The following PACSIN1 variants were observed in gnomAD, a reference collection of about 807,000 sequenced individuals.
The protein encoded by PACSIN1 is protein kinase C and casein kinase substrate in neurons protein 1.
A neutral mutation model predicts 59.5 loss-of-function variants in PACSIN1; 15 were observed. That is an observed-to-expected ratio of 0.25 (90% confidence interval 0.17 to 0.39). The LOEUF is 0.39. Ranked by LOEUF, PACSIN1 falls within the 10% of genes least tolerant of loss-of-function variation. The pLI is 1.00. For missense variants in PACSIN1, 420 were observed against 580.2 expected (o/e 0.72, Z 2.84); for synonymous variants, 210 against 220.6 (o/e 0.95, Z 0.42).
Position 34,531,542 on chromosome 6 carries a change from A to C in PACSIN1, c.1038-58A>C. On this transcript the variant is annotated intron_variant, in intron 8 of 9. Transcript: ENST00000244458. This position sits in a 1 kb window ranked among gnomAD's most constrained non-coding sequence, Gnocchi z 4.4. Reference sequence around the variant, plus strand: ...AGGGCTCTGATTAGGAGGAGCGGTTAGCCCTCGGGATGCGGTACGGGGAGA... The same window carrying C: ...AGGGCTCTGATTAGGAGGAGCGGTTCGCCCTCGGGATGCGGTACGGGGAGA... 6.4e-7 allele frequency: 1 copy of C among 1,554,636 alleles called. No homozygotes were observed. The highest frequency in any genetic ancestry group is 8.8e-7 in the Non-Finnish European group (1 of 1,133,506).
intron 1 of PACSIN1, among the ~76,000 whole-genome samples, chr6:34,502,990 G>T (rs1767047747): frequency 6.6e-6 from 1 of 152,118 alleles, no homozygotes; most frequent in Non-Finnish European, 1.5e-5. Context: ...CCTCCCGTTG[G>T]TCCCGATGCT....
intron 1 of PACSIN1, among the ~76,000 whole-genome samples, chr6:34,480,173 T>C (rs1045177232): frequency 3.3e-5 from 5 of 151,572 alleles, no homozygotes; most frequent in African/African-American, 1.2e-4. Context: ...TTTACCAGGA[T>C]CCAGGTTGTT....
intron 1 of PACSIN1, among the ~76,000 whole-genome samples, chr6:34,470,602 C>T (rs1401136906): frequency 1.2e-5 from 1 of 80,156 alleles, no homozygotes; most frequent in African/African-American, 5.0e-5. Context: ...GCAGCCTCGA[C>T]CTCCCGGGCC....
At position 34,488,189 on chromosome 6, in the gene PACSIN1, T is replaced by C. The variant is rs1766823420; in HGVS notation, c.-64+21919T>C. ...GAGTCTGAGTCTCTGGCCATCCTGC[T>C]CTCCTCAGACCCTGACCATTGCCCT... On this transcript the variant is annotated intron_variant, in intron 1 of 9. Coordinates refer to ENST00000244458, the MANE Select transcript of PACSIN1 (RefSeq NM_020804.5). The surrounding 1 kb of genome is among the most constrained non-coding windows in gnomAD (Gnocchi z 4.7). 6.6e-6 allele frequency among the ~76,000 whole-genome samples: 1 copy of C among 152,030 alleles called. No homozygotes were observed. Among genetic ancestry groups the C allele is most frequent in the African/African-American group, 2.4e-5 (1 of 41,392 alleles).
At position 34,516,856 on chromosome 6, in the gene PACSIN1, G is replaced by C. The variant is rs1207882530; in HGVS notation, c.-63-9387G>C. 6.6e-6 allele frequency among the ~76,000 whole-genome samples: 1 copy of C among 152,136 alleles called. No homozygotes were observed. Among genetic ancestry groups the C allele is most frequent in the Non-Finnish European group, 1.5e-5 (1 of 68,020 alleles). On this transcript the variant is annotated intron_variant, in intron 1 of 9. Coordinates refer to ENST00000244458, the MANE Select transcript of PACSIN1 (RefSeq NM_020804.5). This position sits in a 1 kb window ranked among gnomAD's most constrained non-coding sequence, Gnocchi z 5.4. Reference sequence around the variant, plus strand: ...GATTGAGACTTGACCTCCCCTGGCAGACCTTCTCATGTGAAAGGGAGCTTG... The same window carrying C: ...GATTGAGACTTGACCTCCCCTGGCACACCTTCTCATGTGAAAGGGAGCTTG...
At chr6:34,522,840 G>T (rs1039743650) in intron 1 of PACSIN1, among the ~76,000 whole-genome samples, 5 of 152,228 alleles carry the variant, frequency 3.3e-5, no homozygotes, top group African/African-American at 1.2e-4. Flanking sequence ...CTGATGTCCA[G>T]GGGCAGGAGA....
chr6:34,527,607 A>G (rs1283337279), intron 3 of PACSIN1, 119 bp downstream of exon 3: 1 of 882,918 alleles, frequency 1.1e-6, no homozygotes, highest in Admixed American at 3.6e-5. Flanking sequence ...GACACAGGAC[A>G]TTTTCAGGCG....
intron 1 of PACSIN1, among the ~76,000 whole-genome samples, chr6:34,497,553 C>T (rs1465208126): frequency 6.6e-6 from 1 of 152,174 alleles, no homozygotes; most frequent in Non-Finnish European, 1.5e-5. Flanking sequence ...TTCTTGGAAT[C>T]CCCTCCAAGG....
chr6:34,476,146 G>A (rs780834225), intron 1 of PACSIN1, among the ~76,000 whole-genome samples: 12 of 152,120 alleles, frequency 7.9e-5, no homozygotes, highest in African/African-American at 1.2e-4. Flanking sequence ...GTATTTAGCC[G>A]CCACCACCGT....
chr6:34,480,207 T>C (rs1377962627), intron 1 of PACSIN1, among the ~76,000 whole-genome samples: 1 of 148,536 alleles, frequency 6.7e-6, no homozygotes, highest in Non-Finnish European at 1.5e-5. Context: ...GTCCTTTCAT[T>C]TTCTTTTCCT....
Position 34,490,070 on chromosome 6 carries a change from CTTG to C in PACSIN1, c.-64+23803_-64+23805del, listed in dbSNP as rs1766852453. ...CATCATGAAGCCTTGGATGTTCTCT[CTTG>C]TTTTTTTTTTGTCACCCAGGCTGGA... On this transcript the variant is annotated intron_variant, in intron 1 of 9. Coordinates refer to ENST00000244458, the MANE Select transcript of PACSIN1 (RefSeq NM_020804.5). 2.1e-5 allele frequency among the ~76,000 whole-genome samples: 3 copies of C among 144,662 alleles called. No homozygotes were observed. The South Asian group carries it at 6.6e-4, about 32-fold the overall frequency. 94.9% of individuals were successfully genotyped at this position (144,662 alleles called of 152,430 possible). A position where few individuals can be genotyped will look rare whatever the true frequency, so the allele number is the denominator to read the frequency against.
At chr6:34,469,052 G>A (rs1336743823) in intron 1 of PACSIN1, among the ~76,000 whole-genome samples, 1 of 151,940 alleles carries the variant, frequency 6.6e-6, no homozygotes, top group African/African-American at 2.4e-5. Flanking sequence ...CTTCCCTGGA[G>A]AAGTGAAACT....
At chr6:34,489,774 C>T (rs562553811) in intron 1 of PACSIN1, among the ~76,000 whole-genome samples, 1 of 152,360 alleles carries the variant, frequency 6.6e-6, no homozygotes, top group Admixed American at 6.5e-5. Context: ...GGTCCCCAGA[C>T]CAATGTCCAT....
intron 3 of PACSIN1, 150 bp downstream of exon 3, chr6:34,527,638 C>G: frequency 1.9e-6 from 1 of 513,540 alleles, no homozygotes; most frequent in Non-Finnish European, 3.2e-6. Context: ...CTAGATCAAA[C>G]CAGGCCTACC....
rs1561972906 is a variant in PACSIN1, at chr6:34,532,066, T to A, written c.1225+279T>A. Among the ~76,000 whole-genome samples, 1 of 151,832 alleles carries A rather than the reference T, an allele frequency of 6.6e-6. No homozygotes were observed. Among genetic ancestry groups the A allele is most frequent in the Non-Finnish European group, 1.5e-5 (1 of 67,946 alleles). ...GATTTGCAGGGAACTAAATGGGGCG[T>A]GGCCTGGGTTGTGGGCGTGACCTGG... On this transcript the variant is annotated intron_variant, in intron 9 of 9. Transcript: ENST00000244458. This position sits in a 1 kb window ranked among gnomAD's most constrained non-coding sequence, Gnocchi z 5.2.
chr6:34,502,668 G>T (rs189700112), intron 1 of PACSIN1, among the ~76,000 whole-genome samples: 1 of 151,528 alleles, frequency 6.6e-6, no homozygotes, highest in Non-Finnish European at 1.5e-5. Context: ...GGGTTTCACC[G>T]TGTTAGCCAG....
At chr6:34,522,359 G>A (rs73746672) in intron 1 of PACSIN1, among the ~76,000 whole-genome samples, 2,521 of 152,354 alleles carry the variant, frequency 0.017, 61 homozygotes, top group African/African-American at 0.057. Flanking sequence ...CCAGCACACA[G>A]TAGGCACTCG....
rs1767200076 is a variant in PACSIN1 at position 34,511,363 on chromosome 6, ATTTC to A, written c.-63-14878_-63-14875del. Reference sequence around the variant, plus strand: ...TCTGGGGTGGGACCTGAAATGCCACATTTCTGACCAGCTTCCAGGTGGTGCCCAG... The same window carrying A: ...TCTGGGGTGGGACCTGAAATGCCACATGACCAGCTTCCAGGTGGTGCCCAG... On this transcript the variant is annotated intron_variant, in intron 1 of 9. Transcript: ENST00000244458. 3.3e-5 allele frequency among the ~76,000 whole-genome samples: 5 copies of A among 152,160 alleles called. No individual in the cohort carries two copies. The South Asian group carries it at 1.0e-3, about 32-fold the overall frequency.
At chr6:34,522,239 C>T (rs995821869) in intron 1 of PACSIN1, among the ~76,000 whole-genome samples, 6 of 152,216 alleles carry the variant, frequency 3.9e-5, no homozygotes, top group African/African-American at 4.8e-5. Flanking sequence ...ATACCAGCTC[C>T]GCTGTTTACT....
Sources: allele counts gnomAD v4.1 joint callset (sites outside exome capture counted in the v4.1 genomes callset), GRCh38; gene constraint gnomAD v4.1.1; non-coding constraint Gnocchi (gnomAD v3.1); transcripts MANE v1.5; gene names NCBI Gene and HGNC (gene_info 2026-07-23, HGNC 2026-07-21).